Variants in SGPP1 observed in about 807,000 individuals in gnomAD.
SGPP1 encodes the protein sphingosine-1-phosphate phosphatase 1, also known as hSPP1.
SGPP1 carries 21 observed loss-of-function variants against 33.0 expected under a neutral mutation model. The ratio of observed to expected loss-of-function variants is 0.64; its 90% CI spans 0.45 to 0.92. The LOEUF is 0.92. SGPP1 is among the 40% of genes least tolerant of loss of function. The probability of loss-of-function intolerance (pLI) is 0.00; values close to 1 mark genes in which losing one functional copy is unlikely to be tolerated. For missense variants in SGPP1, 543 were observed against 589.4 expected, an observed-to-expected ratio of 0.92 and a Z score of 0.81; for synonymous variants, 239 against 241.2, an observed-to-expected ratio of 0.99 and a Z score of 0.08.
intron 1 of SGPP1, among the ~76,000 whole-genome samples, chr14:63,721,640 CT>C: frequency 6.6e-6 from 1 of 152,150 alleles, no homozygotes; most frequent in East Asian, 1.9e-4. Flanking sequence ...CTGTGACCTA[CT>C]TTTGTAACTC....
chr14:63,692,123 T>C (rs1885104041), intron 2 of SGPP1, among the ~76,000 whole-genome samples: 1 of 152,180 alleles, frequency 6.6e-6, no homozygotes, highest in African/African-American at 2.4e-5. Flanking sequence ...CTTTCCGTAC[T>C]AAAAACACTG....
Position 63,698,634 on chromosome 14 carries a change from G to T in SGPP1, c.709C>A (p.Leu237Ile). ...ACTAGAGAACACCAGCAGGGAATAA[G>T]AATCAGTCCATATATAAGAGGGTAC... ...WQYPLIYGLI[L>I]IPCWCSLVCL... Residue 237 changes from leucine to isoleucine, a missense_variant, in exon 2 of 3, where the codon CTT becomes ATT. Leu to Ile is a conservative substitution (Grantham distance 5). Transcript: ENST00000247225. 1 of 1,601,166 alleles carries T rather than the reference G, an allele frequency of 6.2e-7. No homozygotes were observed. Among genetic ancestry groups the T allele is most frequent in the Non-Finnish European group, 8.5e-7 (1 of 1,172,740 alleles).
intron 1 of SGPP1, among the ~76,000 whole-genome samples, chr14:63,705,969 C>T (rs911234779): frequency 1.3e-5 from 2 of 152,196 alleles, no homozygotes; most frequent in African/African-American, 4.8e-5. Flanking sequence ...TACTCAAATA[C>T]ATTTATACAT....
At chr14:63,696,331 G>C (rs1455966855) in intron 2 of SGPP1, among the ~76,000 whole-genome samples, 1 of 152,132 alleles carries the variant, frequency 6.6e-6, no homozygotes, top group Non-Finnish European at 1.5e-5. Context: ...TATTCAATGT[G>C]ATCACATAGA....
At chr14:63,705,112 G>A (rs1228957323) in intron 1 of SGPP1, among the ~76,000 whole-genome samples, 1 of 151,402 alleles carries the variant, frequency 6.6e-6, no homozygotes, top group Non-Finnish European at 1.5e-5. Flanking sequence ...GGGTGACAGG[G>A]CGAGACTCTG....
chr14:63,709,680 T>C (rs1885484036), intron 1 of SGPP1, among the ~76,000 whole-genome samples: 1 of 152,054 alleles, frequency 6.6e-6, no homozygotes, highest in Non-Finnish European at 1.5e-5. Context: ...TCTTATAGAG[T>C]AGAAAGTAAA....
intron 1 of SGPP1, among the ~76,000 whole-genome samples, chr14:63,720,761 G>A (rs544755467): frequency 2.2e-4 from 33 of 151,702 alleles, no homozygotes; most frequent in African/African-American, 5.3e-4. Flanking sequence ...GCAAAACTCC[G>A]TCTCAAAACA....
chr14:63,689,130 T>C (rs1305184530), intron 2 of SGPP1, among the ~76,000 whole-genome samples: 1 of 152,202 alleles, frequency 6.6e-6, no homozygotes, highest in Non-Finnish European at 1.5e-5. Context: ...AAAATACATG[T>C]ACAGTATATA....
chr14:63,712,493 C>T (rs987067257), intron 1 of SGPP1, among the ~76,000 whole-genome samples: 1 of 152,108 alleles, frequency 6.6e-6, no homozygotes, highest in Non-Finnish European at 1.5e-5. Context: ...ACTAGGGAAG[C>T]AAAACCATTG....
chr14:63,701,145 A>AT (rs1885290618), intron 1 of SGPP1, among the ~76,000 whole-genome samples: 1 of 151,946 alleles, frequency 6.6e-6, no homozygotes, highest in African/African-American at 2.4e-5. Flanking sequence ...CATCCAGCTG[A>AT]TTTTTTAAAA....
intron 2 of SGPP1, among the ~76,000 whole-genome samples, chr14:63,691,217 A>T (rs1885089317): frequency 6.6e-6 from 1 of 152,232 alleles, no homozygotes. Context: ...CTTAGCCAAA[A>T]GGCTGAGAGG....
chr14:63,688,066 G>T (rs2139623849), intron 2 of SGPP1, among the ~76,000 whole-genome samples: 1 of 151,642 alleles, frequency 6.6e-6, no homozygotes, highest in African/African-American at 2.4e-5. Flanking sequence ...CAGAGTTTGG[G>T]GTGAGTCAAG....
At chr14:63,693,646 C>T (rs1034950662) in intron 2 of SGPP1, among the ~76,000 whole-genome samples, 2 of 152,106 alleles carry the variant, frequency 1.3e-5, no homozygotes, top group African/African-American at 2.4e-5. Flanking sequence ...TAGGATCTTG[C>T]TCTGTTGCCC....
At chr14:63,692,241 C>T (rs1172467391) in intron 2 of SGPP1, among the ~76,000 whole-genome samples, 6 of 152,246 alleles carry the variant, frequency 3.9e-5, no homozygotes, top group African/African-American at 1.2e-4. Flanking sequence ...GTATTAAAAG[C>T]ACCTTTTTCC....
intron 1 of SGPP1, among the ~76,000 whole-genome samples, chr14:63,712,870 T>C (rs2139648178): frequency 7.3e-6 from 1 of 136,222 alleles, no homozygotes. Flanking sequence ...TGAGCCGAGA[T>C]CGTGCCATTG....
In SGPP1 at chr14:63,727,392, T is replaced by C. The variant is rs1265186182; in HGVS notation, c.553A>G (p.Arg185Gly). The C allele has an allele frequency of 6.2e-7, 1 of 1,613,758 alleles. No individual in the cohort carries two copies. Among genetic ancestry groups the C allele is most frequent in the Admixed American group, 1.7e-5 (1 of 60,012 alleles). Reference sequence around the variant, plus strand: ...TTGACCACGGGCGGCGAGGCGGGCCTCGGCCAGCGGATGATGTCCTTGGTG... The same window carrying C: ...TTGACCACGGGCGGCGAGGCGGGCCCCGGCCAGCGGATGATGTCCTTGGTG... ...QCTKDIIRWP[R>G]PASPPVVKLE... Residue 185 changes from arginine (R) to glycine (G), a missense_variant, in exon 1 of 3, where the codon AGG (arginine) becomes GGG (glycine). Arg to Gly is a moderately radical substitution (Grantham distance 125). Coordinates refer to ENST00000247225, the MANE Select transcript of SGPP1 (RefSeq NM_030791.4).
In SGPP1 at chr14:63,727,552, C is replaced by A. The variant is rs1885911268; in HGVS notation, c.393G>T (p.Leu131=). The change falls in exon 1 of 3, where the codon CTG becomes CTT. Residue 131 remains leucine, a synonymous_variant. Coordinates refer to ENST00000247225, the MANE Select transcript of SGPP1 (RefSeq NM_030791.4). ...ARVSNWPLYC[L]FCFGTELGNE... ...TGCCCAGCTCCGTGCCGAAGCAGAA[C>A]AGGCAGTAGAGCGGCCAGTTGCTCA... 2 of 1,612,624 alleles carry A rather than the reference C, an allele frequency of 1.2e-6. No homozygotes were observed. Among genetic ancestry groups the A allele is most frequent in the African/African-American group, 1.3e-5 (1 of 74,968 alleles).
chr14:63,696,756 C>T (rs975385910), intron 2 of SGPP1, among the ~76,000 whole-genome samples: 2 of 152,128 alleles, frequency 1.3e-5, no homozygotes, highest in Non-Finnish European at 2.9e-5. Context: ...GAGGCCAAGG[C>T]AGGTGGATTA....
intron 1 of SGPP1, among the ~76,000 whole-genome samples, chr14:63,707,964 A>C (rs1359434368): frequency 6.6e-6 from 1 of 152,166 alleles, no homozygotes; most frequent in Non-Finnish European, 1.5e-5. Flanking sequence ...CATTAAGTAC[A>C]ATAATTTTCA....
Sources: gnomAD v4.1 joint callset for allele counts (sites outside exome capture counted in the v4.1 genomes callset) on GRCh38, gnomAD v4.1.1 for gene constraint, MANE v1.5 for transcripts, NCBI Gene and HGNC (gene_info 2026-07-23, HGNC 2026-07-21) for gene names.